Variants in RERE observed in about 807,000 individuals in gnomAD.
RERE encodes arginine-glutamic acid dipeptide repeats protein.
RERE carries 40 observed loss-of-function variants against 146.1 expected under a neutral mutation model. The ratio of observed to expected loss-of-function variants is 0.27; its 90% CI spans 0.21 to 0.36. RERE has a LOEUF of 0.36. Among genes scored for constraint, RERE ranks in the 10% least tolerant of loss-of-function variants. RERE has a pLI of 1.00. For missense variants in RERE, 1,933 were observed against 2,138.7 expected (o/e 0.90, Z 1.90); for synonymous variants, 1,003 against 866.0 (o/e 1.16, Z -2.78).
intron 4 of RERE, among the ~76,000 whole-genome samples, chr1:8,607,875 G>C (rs1200287859): frequency 6.6e-6 from 1 of 151,604 alleles, no homozygotes; most frequent in Non-Finnish European, 1.5e-5. Flanking sequence ...ACAGGCGCCC[G>C]CCACCACGCC....
chr1:8,702,844 G>A (rs1639482288), intron 1 of RERE, among the ~76,000 whole-genome samples: 1 of 152,164 alleles, frequency 6.6e-6, no homozygotes. Flanking sequence ...TTAAAAACTA[G>A]TGAGCCCAAC....
At chr1:8,632,770 G>A (rs1292977832) in intron 2 of RERE, among the ~76,000 whole-genome samples, 1 of 152,146 alleles carries the variant, frequency 6.6e-6, no homozygotes, top group Non-Finnish European at 1.5e-5. Context: ...TAAGACTAAT[G>A]TACATATTCA....
At chr1:8,795,377 G>A (rs1466039893) in intron 1 of RERE, among the ~76,000 whole-genome samples, 2 of 151,426 alleles carry the variant, frequency 1.3e-5, no homozygotes, top group Non-Finnish European at 2.9e-5. Flanking sequence ...TGCCCAGGCT[G>A]GCCTCAAATT....
chr1:8,689,832 A>C (rs1008996239), intron 1 of RERE, among the ~76,000 whole-genome samples: 3 of 151,800 alleles, frequency 2.0e-5, no homozygotes, highest in African/African-American at 7.3e-5. Context: ...TGTAAACTGT[A>C]AATGTGGGAA....
intron 12 of RERE, among the ~76,000 whole-genome samples, chr1:8,367,530 C>G (rs1641858683): frequency 6.6e-6 from 1 of 152,206 alleles, no homozygotes. Flanking sequence ...TAACACTTAA[C>G]AAATTACTCC....
At chr1:8,527,471 A>G (rs1308347511) in intron 7 of RERE, among the ~76,000 whole-genome samples, 2 of 152,338 alleles carry the variant, frequency 1.3e-5, no homozygotes, top group South Asian at 2.1e-4. Context: ...ACCCTTTCAT[A>G]TGGAAAATGT....
At chr1:8,777,474 C>A (rs188073763) in intron 1 of RERE, among the ~76,000 whole-genome samples, 64 of 149,858 alleles carry the variant, frequency 4.3e-4, no homozygotes, top group Middle Eastern at 7.0e-3. Flanking sequence ...ATATTTTCTA[C>A]ATGAAATTAA....
chr1:8,790,875 C>T (rs994266178), intron 1 of RERE, among the ~76,000 whole-genome samples: 6 of 152,158 alleles, frequency 3.9e-5, no homozygotes, highest in African/African-American at 1.2e-4. Context: ...CATGAGCCAC[C>T]GCACCCGGCC....
At chr1:8,660,786 C>CA (rs1638438193) in intron 1 of RERE, among the ~76,000 whole-genome samples, 1 of 152,204 alleles carries the variant, frequency 6.6e-6, no homozygotes, top group South Asian at 2.1e-4. Context: ...CTGTGTCAAT[C>CA]ACTACCCAAC....
chr1:8,755,063 T>C (rs1640609059), intron 1 of RERE, among the ~76,000 whole-genome samples: 1 of 152,238 alleles, frequency 6.6e-6, no homozygotes, highest in Admixed American at 6.5e-5. Flanking sequence ...AGAATACAAA[T>C]TCCAATTCAA....
At chr1:8,448,937 T>C (rs1644358068) in intron 11 of RERE, among the ~76,000 whole-genome samples, 1 of 151,672 alleles carries the variant, frequency 6.6e-6, no homozygotes, top group South Asian at 2.1e-4. Flanking sequence ...CTGGACACGA[T>C]GTCAGCACCA....
intron 1 of RERE, among the ~76,000 whole-genome samples, chr1:8,740,483 T>C (rs1640286050): frequency 6.6e-6 from 1 of 152,204 alleles, no homozygotes; most frequent in Non-Finnish European, 1.5e-5. Flanking sequence ...TTAAATATTA[T>C]TTTTTCTTCA....
At chr1:8,360,048 C>T in intron 18 of RERE, 62 bp from the exon 19 acceptor site, 1 of 1,591,838 alleles carries the variant, frequency 6.3e-7, no homozygotes, top group Non-Finnish European at 8.6e-7. Context: ...CCCTCCCTCC[C>T]ACCAGAACTT....
At chr1:8,475,638 C>T (rs143076424) in intron 10 of RERE, among the ~76,000 whole-genome samples, 2,169 of 151,340 alleles carry the variant, frequency 0.014, 38 homozygotes, top group African/African-American at 0.048. Context: ...GCCGAGATCA[C>T]GCCACTGCAC....
intron 12 of RERE, among the ~76,000 whole-genome samples, chr1:8,405,990 C>T (rs976116836): frequency 1.3e-5 from 2 of 152,094 alleles, no homozygotes; most frequent in African/African-American, 2.4e-5. Context: ...AAAAAAATTA[C>T]TAAAAACAGA....
chr1:8,365,743 C>G, intron 13 of RERE, 69 bp downstream of exon 13: 1 of 1,567,524 alleles, frequency 6.4e-7, no homozygotes, highest in Non-Finnish European at 8.7e-7. Context: ...TCCTACGGGC[C>G]CAGAGTGGGA....
chr1:8,422,136 A>C (rs2124471551), intron 12 of RERE, among the ~76,000 whole-genome samples: 1 of 152,348 alleles, frequency 6.6e-6, no homozygotes, highest in Middle Eastern at 3.4e-3. Flanking sequence ...TCTGACCCCC[A>C]GCTTTGTGAA....
chr1:8,413,601 C>T (rs1391054714), intron 12 of RERE, among the ~76,000 whole-genome samples: 2 of 152,112 alleles, frequency 1.3e-5, no homozygotes, highest in African/African-American at 4.8e-5. Flanking sequence ...ACCTCAACCT[C>T]CCAAAGTGCT....
At chr1:8,573,414 G>T (rs1453508003) in intron 4 of RERE, among the ~76,000 whole-genome samples, 1 of 151,222 alleles carries the variant, frequency 6.6e-6, no homozygotes, top group African/African-American at 2.4e-5. Context: ...GACTCTTTGA[G>T]TTCTTCTATA....
Sources: gnomAD v4.1 joint callset for allele counts (sites outside exome capture counted in the v4.1 genomes callset) on GRCh38, gnomAD v4.1.1 for gene constraint, MANE v1.5 for transcripts, NCBI Gene and HGNC (gene_info 2026-07-23, HGNC 2026-07-21) for gene names.